ANKRD16: variants seen among roughly 807,000 people sequenced by gnomAD.
ANKRD16 encodes ankyrin repeat domain-containing protein 16.
In ANKRD16, 35 loss-of-function variants were observed where a neutral mutation model predicts 37.9. The observed-to-expected ratio is 0.92, with a 90% CI of 0.71 to 1.23. The LOEUF (loss-of-function observed/expected upper bound fraction) is 1.23. Ranked by LOEUF, ANKRD16 falls within the 50% of genes most tolerant of loss-of-function variation. The probability of loss-of-function intolerance (pLI) is 0.00; values close to 1 mark genes in which losing one functional copy is unlikely to be tolerated. For synonymous variants in ANKRD16, 206 were observed against 197.2 expected (o/e 1.04, Z -0.37); for missense variants, 480 against 469.9 (o/e 1.02, Z -0.20).
In ANKRD16 at chr10:5,874,321, G is replaced by A. The variant is rs905640029; in HGVS notation, c.*33+3776C>T. Among the ~76,000 whole-genome samples the A allele has an allele frequency of 3.3e-5, 5 of 152,234 alleles. No individual in the cohort carries two copies. Among genetic ancestry groups the A allele is most frequent in the African/African-American group, 7.2e-5 (3 of 41,462 alleles). The stretch of plus-strand genomic sequence containing the variant: ...TCAGAAATCCTGGCAAGTGTAGTAC[G>A]TGCTCTGGGAGGCAGGTTAAGCCAC... On this transcript the variant is annotated intron_variant, in intron 7 of 7. Transcript: ENST00000380094. The surrounding 1 kb of genome is among the most constrained non-coding windows in gnomAD (Gnocchi z 4.7).
chr10:5,885,179 T>C (rs2055034691), intron 3 of ANKRD16, among the ~76,000 whole-genome samples: 1 of 152,130 alleles, frequency 6.6e-6, no homozygotes, highest in South Asian at 2.1e-4. Context: ...GCTTTATTTA[T>C]TTTTTATTTA....
chr10:5,887,703 C>CCCCCCCCCCCCCCCCA (rs1842457124), intron 2 of ANKRD16, 144 bp downstream of exon 2: 5 of 153,060 alleles, frequency 3.3e-5, no homozygotes, highest in African/African-American at 1.0e-4. Flanking sequence ...CCACCCCCTC[C>CCCCCCCCCCCCCCCCA]CCCCCAGATG....
At chr10:5,876,720 G>A (rs971592992) in intron 7 of ANKRD16, among the ~76,000 whole-genome samples, 1 of 152,190 alleles carries the variant, frequency 6.6e-6, no homozygotes, top group South Asian at 2.1e-4. Context: ...CGAGCCCAAC[G>A]CTGAGAGTAA....
At chr10:5,887,207 A>C (rs1350458425) in intron 2 of ANKRD16, among the ~76,000 whole-genome samples, 1 of 152,218 alleles carries the variant, frequency 6.6e-6, no homozygotes, top group Non-Finnish European at 1.5e-5. Flanking sequence ...GAGAGAGACT[A>C]ATTTCCTTAC....
intron 2 of ANKRD16, among the ~76,000 whole-genome samples, chr10:5,887,374 CT>C (rs34678785): frequency 1.7e-3 from 235 of 137,742 alleles, no homozygotes; most frequent in Middle Eastern, 0.011. Context: ...CCCCTAGATG[CT>C]TTTTTTTTTT....
Position 5,878,259 on chromosome 10 carries a change from G to A in ANKRD16, c.957C>T (p.His319=), listed in dbSNP as rs1301783598. 6.2e-7 allele frequency: 1 copy of A among 1,614,042 alleles called. No homozygotes were observed. The highest frequency in any genetic ancestry group is 8.5e-7 in the Non-Finnish European group (1 of 1,180,010). ...GCAGGAGAAACTTGGCACAGGCCAAGTGCTGACCTGCACAGGCCAGATGCA... is the reference window on the plus strand; with the variant it reads ...GCAGGAGAAACTTGGCACAGGCCAAATGCTGACCTGCACAGGCCAGATGCA... The part of the protein sequence containing the change: ...SALHLACAGQ[H]LACAKFLLQS... Residue 319 remains histidine, a synonymous_variant, in exon 7 of 8, where the codon CAC becomes CAT. Transcript: ENST00000380094. The surrounding 1 kb of genome is among the most constrained non-coding windows in gnomAD (Gnocchi z 5.1).
chr10:5,864,912 G>A lies in ANKRD16; in HGVS notation c.*34-2221C>T, dbSNP rs1006222349. ...AAGAAAATATACTCCCCTGTCGCCC[G>A]ACTCACTCGAGGGTCAATTGATCCT... On this transcript the variant is annotated intron_variant, in intron 7 of 7. Transcript: ENST00000380094. The surrounding 1 kb of genome is among the most constrained non-coding windows in gnomAD (Gnocchi z 4.4). Among the ~76,000 whole-genome samples, 6 of 152,088 alleles carry A rather than the reference G, an allele frequency of 3.9e-5. No individual in the cohort carries two copies. Among genetic ancestry groups the A allele is most frequent in the African/African-American group, 1.2e-4 (5 of 41,398 alleles).
intron 7 of ANKRD16, among the ~76,000 whole-genome samples, chr10:5,872,692 G>A (rs1000291722): frequency 6.7e-6 from 1 of 150,120 alleles, no homozygotes; most frequent in Non-Finnish European, 1.5e-5. Flanking sequence ...GAGTAGCTAG[G>A]ACTACAGGCG....
chr10:5,876,694 T>G (rs1205269437), intron 7 of ANKRD16, among the ~76,000 whole-genome samples: 1 of 152,206 alleles, frequency 6.6e-6, no homozygotes, highest in African/African-American at 2.4e-5. Flanking sequence ...CGGGAAATTC[T>G]TGCTCTGTGC....
chr10:5,878,276 C>T lies in ANKRD16; in HGVS notation c.940G>A (p.Ala314Thr), dbSNP rs1462472948. The change falls in exon 7 of 8, where the codon GCC becomes ACC. Residue 314 changes from alanine to threonine, a missense_variant. Physicochemically the swap from Ala to Thr is moderately conservative, Grantham distance 58. Transcript: ENST00000380094. The surrounding 1 kb of genome is among the most constrained non-coding windows in gnomAD (Gnocchi z 5.1). The stretch of plus-strand genomic sequence containing the variant: ...CAGGCCAAGTGCTGACCTGCACAGG[C>T]CAGATGCAGGGCTGAGGGGTGACAA... ...DEKNRSALHL[A>T]CAGQHLACAK... The T allele has an allele frequency of 6.2e-7, 1 of 1,613,728 alleles. No individual in the cohort carries two copies. Among genetic ancestry groups the T allele is most frequent in the Non-Finnish European group, 8.5e-7 (1 of 1,179,924 alleles).
rs138291670 is a variant in ANKRD16 at position 5,889,195 on chromosome 10, C to T, written c.160G>A (p.Ala54Thr). The T allele has an allele frequency of 6.9e-6, 11 of 1,595,842 alleles. No homozygotes were observed. In the African/African-American group the frequency reaches 1.1e-4, roughly 16 times the overall value. Residue 54 changes from alanine (A) to threonine (T), a missense_variant, in exon 1 of 8, where the codon GCC becomes ACC. Coordinates refer to ENST00000380094, the MANE Select transcript of ANKRD16 (RefSeq NM_019046.3). Reference protein sequence around the residue: ...AARHGHRDVLAYLAEAWGMDI... With the variant: ...AARHGHRDVLTYLAEAWGMDI... ...ATGCCCCAGGCCTCGGCCAGATAGG[C>T]CAGCACGTCCCGATGCCCGTGGCGC...
intron 2 of ANKRD16, 145 bp downstream of exon 2, chr10:5,887,702 C>T (rs1356250436): frequency 6.9e-6 from 1 of 145,360 alleles, no homozygotes; most frequent in African/African-American, 2.7e-5. Flanking sequence ...CCCACCCCCT[C>T]CCCCCCAGAT....
In ANKRD16 at chr10:5,865,286, CA is replaced by C. The variant is rs1841997000; in HGVS notation, c.*34-2596del. ...CTCGCCCATGTCCACTATGCCGAGG[CA>C]ATCACTGGAAGGTGCACTGCCCCAG... is the stretch of plus-strand genomic sequence containing the variant. On this transcript the variant is annotated intron_variant, in intron 7 of 7. Coordinates refer to ENST00000380094, the MANE Select transcript of ANKRD16 (RefSeq NM_019046.3). This position sits in a 1 kb window ranked among gnomAD's most constrained non-coding sequence, Gnocchi z 4.7. Among the ~76,000 whole-genome samples the C allele has an allele frequency of 2.0e-5, 3 of 152,190 alleles. No individual in the cohort carries two copies. The highest frequency in any genetic ancestry group is 7.2e-5 in the African/African-American group (3 of 41,436).
chr10:5,883,825 A>G, intron 4 of ANKRD16, 144 bp downstream of exon 4: 1 of 641,944 alleles, frequency 1.6e-6, no homozygotes, highest in Non-Finnish European at 2.7e-6. Flanking sequence ...ACTGGTGCTT[A>G]AAGAGGTCAC....
chr10:5,867,316 C>T (rs1842030284), intron 7 of ANKRD16, among the ~76,000 whole-genome samples: 2 of 152,180 alleles, frequency 1.3e-5, no homozygotes, highest in African/African-American at 4.8e-5. Flanking sequence ...ATGGTTCCTC[C>T]CCGGAGATTA....
chr10:5,884,905 GA>G (rs1289013972), intron 3 of ANKRD16, among the ~76,000 whole-genome samples: 1 of 152,142 alleles, frequency 6.6e-6, no homozygotes, highest in Non-Finnish European at 1.5e-5. Context: ...TTGCTGTCTG[GA>G]ATGGTCCCTT....
intron 5 of ANKRD16, among the ~76,000 whole-genome samples, chr10:5,881,438 T>TTATAAATAAA (rs1422263395): frequency 3.9e-5 from 2 of 51,026 alleles, no homozygotes; most frequent in East Asian, 5.7e-4. Flanking sequence ...AAAATATTAT[T>TTATAAATAAA]TATATATATA....
Position 5,883,004 on chromosome 10 carries a change from A to G in ANKRD16, c.849+2T>C. On this transcript the variant is annotated splice_donor_variant, in intron 5 of 7. Coordinates refer to ENST00000380094, the MANE Select transcript of ANKRD16 (RefSeq NM_019046.3). LOFTEE classifies it high-confidence loss of function. ...CGGACAACGTTATAAGAAGTAACAA[A>G]CCTTAGCTGCATAATGAAGTGCTGT... is the stretch of plus-strand genomic sequence containing the variant. 1 of 1,612,992 alleles carries G rather than the reference A, an allele frequency of 6.2e-7. No individual in the cohort carries two copies. The highest frequency in any genetic ancestry group is 1.1e-5 in the South Asian group (1 of 91,062).
chr10:5,878,191 G>GC lies in ANKRD16; in HGVS notation c.1024dup (p.Ala342GlyfsTer17). 1.2e-6 allele frequency: 2 copies of GC among 1,614,198 alleles called. No individual in the cohort carries two copies. The highest frequency in any genetic ancestry group is 1.7e-6 in the Non-Finnish European group (2 of 1,180,038). On this transcript the variant is annotated frameshift_variant, in exon 7 of 8. Coordinates refer to ENST00000380094, the MANE Select transcript of ANKRD16 (RefSeq NM_019046.3). LOFTEE classifies it high-confidence loss of function. The surrounding 1 kb of genome is among the most constrained non-coding windows in gnomAD (Gnocchi z 5.1). ...ATCTGCTCTCCTTGGGAGCTGCTGAGCCAGGGTGCCCGTGATGTCTTCAGA... is the reference window on the plus strand; with the variant it reads ...ATCTGCTCTCCTTGGGAGCTGCTGAGCCCAGGGTGCCCGTGATGTCTTCAGA...
Sources: allele counts gnomAD v4.1 joint callset (sites outside exome capture counted in the v4.1 genomes callset), GRCh38; gene constraint gnomAD v4.1.1; non-coding constraint Gnocchi (gnomAD v3.1); transcripts MANE v1.5; gene names NCBI Gene and HGNC (gene_info 2026-07-23, HGNC 2026-07-21).